COL22A1: variants seen among roughly 807,000 people sequenced by gnomAD.
The protein encoded by COL22A1 is collagen type XXII alpha 1 chain.
COL22A1 carries 221 observed loss-of-function variants against 248.9 expected under a neutral mutation model. The observed-to-expected ratio is 0.89, with a 90% CI of 0.80 to 0.99. The LOEUF is 0.99. Among genes scored for constraint, COL22A1 ranks in the 50% least tolerant of loss-of-function variants. The probability of loss-of-function intolerance (pLI) is 0.00; values close to 1 mark genes in which losing one functional copy is unlikely to be tolerated. For missense variants in COL22A1, 2,240 were observed against 2,179.0 expected (o/e 1.03, Z -0.56); for synonymous variants, 891 against 793.4 (o/e 1.12, Z -2.07).
chr8:138,624,907 C>G (rs1820113583), intron 51 of COL22A1, among the ~76,000 whole-genome samples: 1 of 152,202 alleles, frequency 6.6e-6, no homozygotes, highest in African/African-American at 2.4e-5. Flanking sequence ...TTGCTGTGTG[C>G]TCACTATGTG....
intron 49 of COL22A1, among the ~76,000 whole-genome samples, chr8:138,634,175 A>T (rs2044995242): frequency 6.6e-6 from 1 of 152,240 alleles, no homozygotes; most frequent in South Asian, 2.1e-4. Flanking sequence ...TGAGTTGTTT[A>T]AAAAGATGAC....
intron 1 of COL22A1, among the ~76,000 whole-genome samples, chr8:138,897,084 C>T (rs990565829): frequency 5.3e-5 from 8 of 152,098 alleles, no homozygotes; most frequent in Non-Finnish European, 1.0e-4. Flanking sequence ...CATTATCTAT[C>T]TGTTTTATAG....
intron 6 of COL22A1, among the ~76,000 whole-genome samples, chr8:138,822,865 A>G (rs546552650): frequency 8.1e-4 from 123 of 152,066 alleles, no homozygotes; most frequent in Non-Finnish European, 1.1e-3. Context: ...AGAACTCACC[A>G]TCTCCTCCCC....
At position 138,598,866 on chromosome 8, in the gene COL22A1, A is replaced by T; in HGVS notation, c.4218T>A (p.Pro1406=). Reference sequence around the variant, plus strand: ...CCCCAGGCTGGCCTTTTCCACCAGGAGGTCCTTTGTCACCTTTGATCCCAG... The same window carrying T: ...CCCCAGGCTGGCCTTTTCCACCAGGTGGTCCTTTGTCACCTTTGATCCCAG... ...GDPGIKGDKG[P]PGGKGQPGDP... is the part of the protein sequence containing the mutation. Residue 1406 remains proline (P), a synonymous_variant, in exon 61 of 65, where the codon CCT becomes CCA. Transcript: ENST00000303045. The T allele has an allele frequency of 6.2e-7, 1 of 1,614,124 alleles. No individual in the cohort carries two copies. Among genetic ancestry groups the T allele is most frequent in the Admixed American group, 1.7e-5 (1 of 60,026 alleles).
At chr8:138,888,630 T>G (rs1824838253) in intron 1 of COL22A1, among the ~76,000 whole-genome samples, 1 of 152,134 alleles carries the variant, frequency 6.6e-6, no homozygotes, top group Non-Finnish European at 1.5e-5. Context: ...TGAATGACAA[T>G]ACTCAGAGAG....
At chr8:138,820,386 T>C (rs1051913402) in intron 7 of COL22A1, among the ~76,000 whole-genome samples, 3 of 152,104 alleles carry the variant, frequency 2.0e-5, no homozygotes, top group Non-Finnish European at 4.4e-5. Context: ...CTGTGTGTAT[T>C]GTATTATGTA....
Position 138,633,038 on chromosome 8 carries a change from C to T in COL22A1, c.3609+1972G>A, listed in dbSNP as rs575329394. 5.9e-5 allele frequency among the ~76,000 whole-genome samples: 9 copies of T among 152,256 alleles called. No homozygotes were observed. In the South Asian group the frequency reaches 1.7e-3, roughly 28 times the overall value. On this transcript the variant is annotated intron_variant, in intron 49 of 64. Coordinates refer to ENST00000303045, the MANE Select transcript of COL22A1 (RefSeq NM_152888.3). Reference sequence around the variant, plus strand: ...ACTAAAAGAAAGGGCTTTGTCAGCTCGCTACCCATATCCCTGCATATTTCC... The same window carrying T: ...ACTAAAAGAAAGGGCTTTGTCAGCTTGCTACCCATATCCCTGCATATTTCC...
At chr8:138,602,182 G>T (rs545194267) in intron 59 of COL22A1, 23 bp from the exon 60 acceptor site, 3 of 1,613,812 alleles carry the variant, frequency 1.9e-6, no homozygotes, top group Middle Eastern at 1.7e-4. Context: ...AGAAAGGACA[G>T]TCATTGCCCC....
At chr8:138,656,297 A>C (rs1035005447) in intron 44 of COL22A1, among the ~76,000 whole-genome samples, 1 of 152,098 alleles carries the variant, frequency 6.6e-6, no homozygotes, top group Non-Finnish European at 1.5e-5. Flanking sequence ...AAAGCGGCAA[A>C]CTGTTTGCAA....
intron 35 of COL22A1, among the ~76,000 whole-genome samples, chr8:138,691,543 GT>G (rs1169213351): frequency 6.9e-6 from 1 of 144,312 alleles, no homozygotes; most frequent in African/African-American, 2.6e-5. Context: ...ATGTGTGTAT[GT>G]CCGTGTGTGC....
intron 45 of COL22A1, 31 bp from the exon 46 acceptor site, chr8:138,649,809 A>T: frequency 7.4e-7 from 1 of 1,349,692 alleles, no homozygotes; most frequent in Non-Finnish European, 1.0e-6. Context: ...GGGGACAAAG[A>T]GAGAATAACT....
At chr8:138,630,955 C>T (rs898470610) in intron 49 of COL22A1, among the ~76,000 whole-genome samples, 3 of 152,160 alleles carry the variant, frequency 2.0e-5, no homozygotes, top group Non-Finnish European at 4.4e-5. Flanking sequence ...TGGTTTAGCA[C>T]AATCCCCTTG....
intron 3 of COL22A1, among the ~76,000 whole-genome samples, chr8:138,868,408 G>T (rs79993124): frequency 1.3e-5 from 2 of 152,094 alleles, no homozygotes; most frequent in Admixed American, 6.5e-5. Flanking sequence ...GCATACAGGG[G>T]TATATAATAC....
chr8:138,891,565 G>A (rs1481463155), intron 1 of COL22A1, among the ~76,000 whole-genome samples: 2 of 152,158 alleles, frequency 1.3e-5, no homozygotes, highest in East Asian at 1.9e-4. Flanking sequence ...GGCATAATTA[G>A]CTCCATTGTA....
At chr8:138,767,597 C>T (rs1366562124) in intron 16 of COL22A1, among the ~76,000 whole-genome samples, 1 of 152,238 alleles carries the variant, frequency 6.6e-6, no homozygotes, top group Non-Finnish European at 1.5e-5. Flanking sequence ...GACCTCTGCT[C>T]TGAGAACCAA....
intron 50 of COL22A1, 147 bp downstream of exon 50, chr8:138,630,548 T>A (rs951350408): frequency 2.1e-5 from 15 of 707,194 alleles, no homozygotes; most frequent in Non-Finnish European, 3.3e-5. Flanking sequence ...CTCCAGCAGT[T>A]TCATTGCAAG....
At chr8:138,662,144 C>A (rs1286784876) in intron 42 of COL22A1, 61 bp from the exon 43 acceptor site, 2 of 1,419,050 alleles carry the variant, frequency 1.4e-6, no homozygotes, top group Non-Finnish European at 2.0e-6. Flanking sequence ...AAGGACACAC[C>A]CTCCTTGGCA....
chr8:138,722,566 C>A (rs1829955405), intron 25 of COL22A1, among the ~76,000 whole-genome samples: 1 of 152,214 alleles, frequency 6.6e-6, no homozygotes, highest in Non-Finnish European at 1.5e-5. Flanking sequence ...GGCATTACTG[C>A]CTGTTATTTC....
chr8:138,702,934 C>A lies in COL22A1; in HGVS notation c.2559+372G>T, dbSNP rs192338875. Reference sequence around the variant, plus strand: ...ACTCAATACCAACTCACCATGCCCACCCTAACACGTATAGAGGGCCAATGA... The same window carrying A: ...ACTCAATACCAACTCACCATGCCCAACCTAACACGTATAGAGGGCCAATGA... On this transcript the variant is annotated intron_variant, in intron 31 of 64. Coordinates refer to ENST00000303045, the MANE Select transcript of COL22A1 (RefSeq NM_152888.3). Among the ~76,000 whole-genome samples the A allele has an allele frequency of 2.0e-5, 3 of 152,196 alleles. No homozygotes were observed. In the East Asian group the frequency reaches 5.8e-4, roughly 29 times the overall value.
Sources: gnomAD v4.1 joint callset for allele counts (sites outside exome capture counted in the v4.1 genomes callset) on GRCh38, gnomAD v4.1.1 for gene constraint, MANE v1.5 for transcripts, NCBI Gene and HGNC (gene_info 2026-07-23, HGNC 2026-07-21) for gene names.